Variants in LRMDA observed in about 807,000 individuals in gnomAD.
The protein encoded by LRMDA is leucine-rich melanocyte differentiation-associated protein.
A neutral mutation model predicts 29.8 loss-of-function variants in LRMDA; 18 were observed. The observed-to-expected ratio is 0.60, with a 90% CI of 0.42 to 0.90. The LOEUF (loss-of-function observed/expected upper bound fraction) is 0.90. LRMDA is among the 40% of genes least tolerant of loss of function. The pLI, the probability that LRMDA is intolerant of heterozygous loss-of-function variation, is 0.00. For synonymous variants in LRMDA, 125 were observed against 109.4 expected, an observed-to-expected ratio of 1.14 and a Z score of -0.89; for missense variants, 273 against 273.9, an observed-to-expected ratio of 1.00 and a Z score of 0.02.
chr10:75,490,545 A>T (rs991085207), intron 2 of LRMDA, among the ~76,000 whole-genome samples: 9 of 152,214 alleles, frequency 5.9e-5, no homozygotes, highest in Admixed American at 2.0e-4. Flanking sequence ...AGATTGTAAT[A>T]ATCACACAGT....
intron 2 of LRMDA, among the ~76,000 whole-genome samples, chr10:75,705,628 C>T (rs1842356880): frequency 6.6e-6 from 1 of 152,158 alleles, no homozygotes; most frequent in South Asian, 2.1e-4. Context: ...AAGGCTAGAG[C>T]CGTGCGTGAG....
chr10:76,151,970 G>A (rs989427099), intron 5 of LRMDA, among the ~76,000 whole-genome samples: 2 of 152,076 alleles, frequency 1.3e-5, no homozygotes, highest in Non-Finnish European at 2.9e-5. Context: ...AATAAAGAAA[G>A]CCCACATTAC....
rs548716389 is a variant in LRMDA, at chr10:76,093,140, C to T, written c.516+34357C>T. 6.6e-5 allele frequency among the ~76,000 whole-genome samples: 10 copies of T among 152,112 alleles called. No homozygotes were observed. The East Asian group carries it at 1.2e-3, about 18-fold the overall frequency. ...GCAACCTCTGCCTCCCAGGTTCAAG[C>T]GATTCTCCTGCCTCAGCCTCCCGAG... On this transcript the variant is annotated intron_variant, in intron 5 of 6. Transcript: ENST00000611255.
chr10:75,821,747 C>T (rs990451378), intron 2 of LRMDA, among the ~76,000 whole-genome samples: 15 of 150,850 alleles, frequency 9.9e-5, no homozygotes, highest in Admixed American at 2.6e-4. Context: ...CCAGCCTGGG[C>T]GACAGAGAGA....
intron 2 of LRMDA, among the ~76,000 whole-genome samples, chr10:75,735,668 A>G (rs1468797297): frequency 6.6e-6 from 1 of 152,128 alleles, no homozygotes; most frequent in Non-Finnish European, 1.5e-5. Flanking sequence ...AGCCCAGAGT[A>G]CATGTTTCAG....
At chr10:76,269,348 T>C (rs951973677) in intron 5 of LRMDA, among the ~76,000 whole-genome samples, 2 of 152,206 alleles carry the variant, frequency 1.3e-5, no homozygotes, top group South Asian at 2.1e-4. Context: ...ATCTCTTCCA[T>C]AGCTTTCAAC....
At chr10:76,378,263 A>T (rs1482341496) in intron 6 of LRMDA, among the ~76,000 whole-genome samples, 2 of 152,166 alleles carry the variant, frequency 1.3e-5, no homozygotes, top group Non-Finnish European at 1.5e-5. Context: ...GAAGTCAGTT[A>T]TCAAATCTAG....
chr10:76,457,647 A>C (rs376917365), intron 6 of LRMDA, among the ~76,000 whole-genome samples: 1 of 152,202 alleles, frequency 6.6e-6, no homozygotes. Flanking sequence ...TTCTTCAGGC[A>C]TAAGTTATAG....
At chr10:76,512,591 G>A (rs907439808) in intron 6 of LRMDA, among the ~76,000 whole-genome samples, 3 of 152,060 alleles carry the variant, frequency 2.0e-5, no homozygotes, top group Admixed American at 2.0e-4. Context: ...ATGGATCATA[G>A]ACTAAATGTA....
chr10:76,321,682 T>C (rs374201228), intron 5 of LRMDA, among the ~76,000 whole-genome samples: 4 of 152,322 alleles, frequency 2.6e-5, no homozygotes, highest in African/African-American at 9.6e-5. Context: ...CGGTGGCTCA[T>C]GCCTGTAATC....
chr10:76,436,678 C>T (rs1356833716), intron 6 of LRMDA, among the ~76,000 whole-genome samples: 1 of 152,216 alleles, frequency 6.6e-6, no homozygotes, highest in Non-Finnish European at 1.5e-5. Context: ...GACAGATGCT[C>T]ACAGGTTCCA....
intron 5 of LRMDA, among the ~76,000 whole-genome samples, chr10:76,277,759 T>G (rs1840153392): frequency 6.6e-6 from 1 of 152,224 alleles, no homozygotes; most frequent in Non-Finnish European, 1.5e-5. Flanking sequence ...GAGAAGTAAG[T>G]ATTTCATGTT....
At chr10:76,291,820 A>G (rs1239512731) in intron 5 of LRMDA, among the ~76,000 whole-genome samples, 2 of 152,098 alleles carry the variant, frequency 1.3e-5, no homozygotes, top group Non-Finnish European at 2.9e-5. Context: ...GGTTTCTAAG[A>G]CAATCAAGTT....
At chr10:75,865,482 A>T (rs1286299888) in intron 2 of LRMDA, among the ~76,000 whole-genome samples, 1 of 152,174 alleles carries the variant, frequency 6.6e-6, no homozygotes, top group Non-Finnish European at 1.5e-5. Flanking sequence ...ACACACTTCT[A>T]TGGTGATTAA....
chr10:75,769,825 A>G (rs1316092415), intron 2 of LRMDA, among the ~76,000 whole-genome samples: 4 of 152,192 alleles, frequency 2.6e-5, no homozygotes, highest in Admixed American at 2.0e-4. Flanking sequence ...TCTACTAAAA[A>G]TACAAATATC....
At chr10:76,241,203 C>T (rs989152552) in intron 5 of LRMDA, among the ~76,000 whole-genome samples, 4 of 152,032 alleles carry the variant, frequency 2.6e-5, no homozygotes, top group African/African-American at 4.8e-5. Flanking sequence ...TCAGAAATCA[C>T]TACTAAAGAC....
intron 6 of LRMDA, among the ~76,000 whole-genome samples, chr10:76,375,679 T>A (rs911005497): frequency 1.4e-5 from 2 of 145,562 alleles, no homozygotes; most frequent in East Asian, 1.9e-4. Context: ...AAGTCTTAAA[T>A]CCTGATGTTA....
At chr10:75,767,156 C>T (rs761517689) in intron 2 of LRMDA, among the ~76,000 whole-genome samples, 1 of 152,108 alleles carries the variant, frequency 6.6e-6, no homozygotes, top group African/African-American at 2.4e-5. Flanking sequence ...TGGTTATATA[C>T]CCAGCAATGG....
chr10:75,707,534 C>T (rs747238014), intron 2 of LRMDA, among the ~76,000 whole-genome samples: 6 of 152,156 alleles, frequency 3.9e-5, no homozygotes, highest in Non-Finnish European at 7.4e-5. Flanking sequence ...AGCCGGTGAC[C>T]GAGGATGCTG....
Sources: allele counts gnomAD v4.1 joint callset (sites outside exome capture counted in the v4.1 genomes callset), GRCh38; gene constraint gnomAD v4.1.1; transcripts MANE v1.5; gene names NCBI Gene and HGNC (gene_info 2026-07-23, HGNC 2026-07-21).